The following NCALD variants were observed in gnomAD, a reference collection of about 807,000 sequenced individuals.
NCALD encodes neurocalcin delta.
NCALD carries 10 observed loss-of-function variants against 18.6 expected under a neutral mutation model. The observed-to-expected ratio is 0.54, with a 90% CI of 0.33 to 0.91. The LOEUF is 0.91. Ranked by LOEUF, NCALD falls within the 40% of genes least tolerant of loss-of-function variation. The pLI is 0.03. For synonymous variants in NCALD, 88 were observed against 87.4 expected, an observed-to-expected ratio of 1.01 and a Z score of -0.04; for missense variants, 184 against 247.6, an observed-to-expected ratio of 0.74 and a Z score of 1.72.
At chr8:101,896,031 A>C (rs973674104) in intron 3 of NCALD, among the ~76,000 whole-genome samples, 1 of 151,154 alleles carries the variant, frequency 6.6e-6, no homozygotes, top group African/African-American at 2.5e-5. Context: ...GTTCATATGG[A>C]ACCAAAAAAG....
chr8:102,113,974 C>T (rs1825709831), intron 1 of NCALD, among the ~76,000 whole-genome samples: 1 of 152,240 alleles, frequency 6.6e-6, no homozygotes, highest in Non-Finnish European at 1.5e-5. Context: ...AGAAGAGTAG[C>T]GAGTGTATCC....
chr8:101,830,833 C>T (rs1046338627), intron 4 of NCALD, among the ~76,000 whole-genome samples: 12 of 151,332 alleles, frequency 7.9e-5, no homozygotes, highest in Admixed American at 7.2e-4. Flanking sequence ...CTCCGCCTCC[C>T]GGTTCACGCA....
At chr8:102,097,074 G>A (rs1295969270) in intron 1 of NCALD, among the ~76,000 whole-genome samples, 1 of 152,138 alleles carries the variant, frequency 6.6e-6, no homozygotes, top group Non-Finnish European at 1.5e-5. Flanking sequence ...TACAATTACA[G>A]CCCTGAAAAC....
intron 2 of NCALD, among the ~76,000 whole-genome samples, chr8:101,703,058 G>T (rs948345656): frequency 6.6e-6 from 1 of 152,042 alleles, no homozygotes; most frequent in African/African-American, 2.4e-5. Context: ...TCTATGAACA[G>T]TTTATGAAAG....
intron 4 of NCALD, among the ~76,000 whole-genome samples, chr8:101,820,718 C>G (rs909081410): frequency 6.6e-6 from 1 of 152,186 alleles, no homozygotes; most frequent in Non-Finnish European, 1.5e-5. Flanking sequence ...CATGACATGG[C>G]TAATTCCAAA....
At chr8:101,941,908 A>T (rs1391724257) in intron 2 of NCALD, among the ~76,000 whole-genome samples, 10 of 152,248 alleles carry the variant, frequency 6.6e-5, no homozygotes, top group Admixed American at 6.5e-4. Context: ...AGTAAGTGGT[A>T]AATTATGATT....
At chr8:102,027,387 G>C (rs532887898) in intron 1 of NCALD, among the ~76,000 whole-genome samples, 1 of 152,162 alleles carries the variant, frequency 6.6e-6, no homozygotes, top group East Asian at 1.9e-4. Flanking sequence ...TCTCTGGGAC[G>C]GGGCAAAATG....
At chr8:101,955,927 T>G (rs902884398) in intron 2 of NCALD, among the ~76,000 whole-genome samples, 2 of 151,990 alleles carry the variant, frequency 1.3e-5, no homozygotes, top group African/African-American at 2.4e-5. Context: ...TATTTAAGGG[T>G]AATGGGATGT....
chr8:101,689,268 G>A lies in NCALD; in HGVS notation c.*41C>T. 6.3e-7 allele frequency: 1 copy of A among 1,577,278 alleles called. No individual in the cohort carries two copies. The highest frequency in any genetic ancestry group is 8.7e-7 in the Non-Finnish European group (1 of 1,152,246). On this transcript the variant is annotated 3_prime_UTR_variant, in exon 4 of 4. Coordinates refer to ENST00000220931, the MANE Select transcript of NCALD (RefSeq NM_032041.3). This position sits in a 1 kb window ranked among gnomAD's most constrained non-coding sequence, Gnocchi z 4.4. Reference sequence around the variant, plus strand: ...ATTGTTAAAAAGAAGAATCAAAAGGGAACACAAGCAGCTCTACAATTCGAT... The same window carrying A: ...ATTGTTAAAAAGAAGAATCAAAAGGAAACACAAGCAGCTCTACAATTCGAT...
At chr8:101,739,106 C>T (rs542677759) in intron 1 of NCALD, among the ~76,000 whole-genome samples, 63 of 152,188 alleles carry the variant, frequency 4.1e-4, no homozygotes, top group Middle Eastern at 3.4e-3. Flanking sequence ...CCAGGATCCT[C>T]TCATATCTTC....
chr8:101,864,893 G>A (rs940028214), intron 4 of NCALD, among the ~76,000 whole-genome samples: 1 of 152,138 alleles, frequency 6.6e-6, no homozygotes, highest in Non-Finnish European at 1.5e-5. Context: ...ACCACGCCCA[G>A]CTGGATTGTT....
chr8:102,017,197 T>C (rs1822113903), intron 2 of NCALD, among the ~76,000 whole-genome samples: 1 of 152,080 alleles, frequency 6.6e-6, no homozygotes, highest in Non-Finnish European at 1.5e-5. Flanking sequence ...TCAAAGTAAT[T>C]AAAATGGGAA....
chr8:101,791,434 C>T (rs1382105234), upstream of NCALD, among the ~76,000 whole-genome samples: 1 of 152,022 alleles, frequency 6.6e-6, no homozygotes, highest in Non-Finnish European at 1.5e-5. Context: ...TATATAAAAA[C>T]AGAAGCTCAG....
intron 1 of NCALD, among the ~76,000 whole-genome samples, chr8:101,731,367 CT>C (rs1304914547): frequency 2.0e-5 from 3 of 152,154 alleles, no homozygotes; most frequent in Non-Finnish European, 2.9e-5. Context: ...AGAACTTATT[CT>C]TTCCAATGAC....
intron 1 of NCALD, among the ~76,000 whole-genome samples, chr8:102,122,018 G>C (rs1042497811): frequency 6.6e-6 from 1 of 152,166 alleles, no homozygotes; most frequent in East Asian, 1.9e-4. Context: ...GGCACATGCA[G>C]GTGCCTTGAT....
chr8:101,737,759 G>T (rs1330760311), intron 1 of NCALD, among the ~76,000 whole-genome samples: 2 of 152,202 alleles, frequency 1.3e-5, no homozygotes, highest in Non-Finnish European at 2.9e-5. Flanking sequence ...CCTCTCCCCA[G>T]GGAGCACTGA....
At chr8:102,065,183 C>T (rs1219387753) in intron 1 of NCALD, among the ~76,000 whole-genome samples, 3 of 151,810 alleles carry the variant, frequency 2.0e-5, no homozygotes, top group African/African-American at 2.4e-5. Flanking sequence ...AAATGCTGAG[C>T]GGCTGCAACA....
At chr8:101,774,870 A>G (rs1180806111) in intron 1 of NCALD, among the ~76,000 whole-genome samples, 3 of 152,222 alleles carry the variant, frequency 2.0e-5, no homozygotes, top group Non-Finnish European at 4.4e-5. Context: ...GAAGACAAAG[A>G]CAAAGGCAGC....
At chr8:101,833,610 G>GTT (rs555031298) in intron 4 of NCALD, among the ~76,000 whole-genome samples, 1,224 of 88,338 alleles carry the variant, frequency 0.014, 14 homozygotes, top group African/African-American at 0.043. Context: ...TTTGTTTCTT[G>GTT]TTTTTTTTTT....
Sources: gnomAD v4.1 joint callset for allele counts (sites outside exome capture counted in the v4.1 genomes callset) on GRCh38, gnomAD v4.1.1 for gene constraint, Gnocchi (gnomAD v3.1) non-coding constraint, MANE v1.5 for transcripts, NCBI Gene and HGNC (gene_info 2026-07-23, HGNC 2026-07-21) for gene names.